The following ZBTB20 variants were observed in gnomAD, a reference collection of about 807,000 sequenced individuals.
ZBTB20 encodes zinc finger and BTB domain containing 20.
Under a neutral mutation model 56.9 loss-of-function variants are expected in ZBTB20, and 9 were observed. The observed-to-expected ratio is 0.16, with a 90% CI of 0.10 to 0.28. ZBTB20 has a LOEUF of 0.28. Among genes scored for constraint, ZBTB20 ranks in the 10% least tolerant of loss-of-function variants. The pLI is 1.00. For synonymous variants in ZBTB20, 417 were observed against 420.7 expected (o/e 0.99, Z 0.11); for missense variants, 655 against 1,003.0 (o/e 0.65, Z 4.69).
At chr3:115,038,351 A>G (rs2081010675) in intron 2 of ZBTB20, among the ~76,000 whole-genome samples, 1 of 152,216 alleles carries the variant, frequency 6.6e-6, no homozygotes, top group South Asian at 2.1e-4. Flanking sequence ...ATGTATAATA[A>G]CATCATAGAA....
chr3:114,776,032 C>CTTTTTTT (rs11324801), intron 5 of ZBTB20, among the ~76,000 whole-genome samples: 2 of 135,546 alleles, frequency 1.5e-5, no homozygotes, highest in African/African-American at 5.4e-5. Flanking sequence ...AATTTTTTTT[C>CTTTTTTT]TTTTTTTTTT....
chr3:115,089,866 A>T (rs550364319), intron 1 of ZBTB20, among the ~76,000 whole-genome samples: 2 of 151,864 alleles, frequency 1.3e-5, no homozygotes, highest in Admixed American at 1.3e-4. Context: ...TTTCAAGCCT[A>T]AACTTTTCTT....
At chr3:114,423,653 T>C (rs1003018950) in intron 7 of ZBTB20, among the ~76,000 whole-genome samples, 10 of 152,216 alleles carry the variant, frequency 6.6e-5, no homozygotes, top group Non-Finnish European at 1.2e-4. Flanking sequence ...AGGGATTGAG[T>C]TGAGTTATAA....
In ZBTB20 at chr3:114,352,232, T is replaced by C. The variant is rs560444399; in HGVS notation, c.200-354A>G. Among the ~76,000 whole-genome samples the C allele has an allele frequency of 2.0e-5, 3 of 152,344 alleles. No individual in the cohort carries two copies. The South Asian group carries it at 6.2e-4, about 32-fold the overall frequency. Reference sequence around the variant, plus strand: ...AACTGAAAGGCAAATGGAAGACTTGTTCTTATGGAACACTAAACCTCCACT... The same window carrying C: ...AACTGAAAGGCAAATGGAAGACTTGCTCTTATGGAACACTAAACCTCCACT... On this transcript the variant is annotated intron_variant, in intron 10 of 11. Transcript: ENST00000675478.
At chr3:114,617,794 T>C (rs766518626) in intron 6 of ZBTB20, among the ~76,000 whole-genome samples, 5 of 152,214 alleles carry the variant, frequency 3.3e-5, no homozygotes, top group Non-Finnish European at 5.9e-5. Flanking sequence ...GGTTCCACTG[T>C]TGAAAATGCT....
Position 114,348,511 on chromosome 3 carries a change from AC to A in ZBTB20, c.1804+1762del, listed in dbSNP as rs1472196816. 5.3e-5 allele frequency among the ~76,000 whole-genome samples: 8 copies of A among 152,144 alleles called. No homozygotes were observed. The East Asian group carries it at 1.5e-3, about 29-fold the overall frequency. Reference sequence around the variant, plus strand: ...ACATTTATCCCAAGTAAACAAAGCAACTCACCACTACCCAAGTTTCTTCATA... The same window carrying A: ...ACATTTATCCCAAGTAAACAAAGCAATCACCACTACCCAAGTTTCTTCATA... On this transcript the variant is annotated intron_variant, in intron 11 of 11. Transcript: ENST00000675478.
intron 1 of ZBTB20, among the ~76,000 whole-genome samples, chr3:115,082,401 T>A (rs2082830182): frequency 6.6e-6 from 1 of 152,170 alleles, no homozygotes; most frequent in Non-Finnish European, 1.5e-5. Flanking sequence ...TGTGCGCGTG[T>A]CTGGATCATA....
intron 2 of ZBTB20, among the ~76,000 whole-genome samples, chr3:115,050,825 C>G (rs2081519439): frequency 6.6e-6 from 1 of 151,882 alleles, no homozygotes; most frequent in South Asian, 2.1e-4. Flanking sequence ...GTTTTCCCTA[C>G]AGAAAAGGGT....
intron 2 of ZBTB20, among the ~76,000 whole-genome samples, chr3:115,031,687 C>G (rs1035485802): frequency 6.6e-6 from 1 of 151,448 alleles, no homozygotes; most frequent in African/African-American, 2.4e-5. Context: ...TGAAAAAATG[C>G]TTTTGCTACA....
intron 5 of ZBTB20, among the ~76,000 whole-genome samples, chr3:114,768,508 A>G (rs2068943217): frequency 1.3e-5 from 2 of 152,252 alleles, no homozygotes; most frequent in South Asian, 2.1e-4. Flanking sequence ...TCAGACATAT[A>G]GGAAATTACA....
At chr3:115,083,328 C>G (rs756366728) in intron 1 of ZBTB20, among the ~76,000 whole-genome samples, 1 of 151,890 alleles carries the variant, frequency 6.6e-6, no homozygotes, top group Non-Finnish European at 1.5e-5. Flanking sequence ...GTTTATAAAT[C>G]CAAAGTCTTA....
chr3:115,122,183 G>A (rs2084200761), intron 1 of ZBTB20, among the ~76,000 whole-genome samples: 3 of 151,990 alleles, frequency 2.0e-5, no homozygotes, highest in African/African-American at 4.8e-5. Flanking sequence ...CTTAATTTCT[G>A]TCATGAAACA....
At chr3:114,732,845 C>T (rs1335150266) in intron 5 of ZBTB20, among the ~76,000 whole-genome samples, 1 of 152,018 alleles carries the variant, frequency 6.6e-6, no homozygotes, top group African/African-American at 2.4e-5. Context: ...GTTAGAAATA[C>T]TGGAGGGAAT....
At chr3:114,789,024 C>T (rs904929723) in intron 5 of ZBTB20, among the ~76,000 whole-genome samples, 3 of 152,086 alleles carry the variant, frequency 2.0e-5, no homozygotes, top group Admixed American at 1.3e-4. Flanking sequence ...ACACAACACA[C>T]GAAGATTATG....
intron 6 of ZBTB20, among the ~76,000 whole-genome samples, chr3:114,622,222 C>A (rs2058369618): frequency 6.6e-6 from 1 of 151,910 alleles, no homozygotes; most frequent in Non-Finnish European, 1.5e-5. Flanking sequence ...GAATGTTAAC[C>A]TCCTATGTAG....
At chr3:114,958,186 T>C (rs1458616791) in intron 3 of ZBTB20, among the ~76,000 whole-genome samples, 1 of 152,242 alleles carries the variant, frequency 6.6e-6, no homozygotes, top group African/African-American at 2.4e-5. Flanking sequence ...ATTTTCACTA[T>C]CAATTTATGT....
chr3:114,892,878 C>T (rs1483844087), intron 4 of ZBTB20, among the ~76,000 whole-genome samples: 1 of 152,096 alleles, frequency 6.6e-6, no homozygotes, highest in Non-Finnish European at 1.5e-5. Flanking sequence ...CATCACCAGG[C>T]ATAAGAGAAA....
chr3:114,407,938 T>C (rs1369091598), intron 7 of ZBTB20, among the ~76,000 whole-genome samples: 2 of 152,166 alleles, frequency 1.3e-5, no homozygotes, highest in Admixed American at 1.3e-4. Context: ...TTAACTACTT[T>C]AACATACACA....
chr3:114,981,300 T>C (rs962635150), intron 2 of ZBTB20, among the ~76,000 whole-genome samples: 2 of 152,092 alleles, frequency 1.3e-5, no homozygotes, highest in African/African-American at 2.4e-5. Context: ...TAATGAGCTA[T>C]TTTGTTATGA....
Sources: gnomAD v4.1 joint callset for allele counts (sites outside exome capture counted in the v4.1 genomes callset) on GRCh38, gnomAD v4.1.1 for gene constraint, MANE v1.5 for transcripts, NCBI Gene and HGNC (gene_info 2026-07-23, HGNC 2026-07-21) for gene names.